The following CFAP299 variants were observed in gnomAD, a reference collection of about 807,000 sequenced individuals.
CFAP299 encodes the protein cilia- and flagella-associated protein 299.
In CFAP299, 21 loss-of-function variants were observed where a neutral mutation model predicts 27.0. That is an observed-to-expected ratio of 0.78 (90% confidence interval 0.55 to 1.12). The LOEUF (loss-of-function observed/expected upper bound fraction) is 1.12, where lower values mean the gene tolerates loss of function less well. Among genes scored for constraint, CFAP299 ranks in the 50% most tolerant of loss-of-function variants. The pLI is 0.00. For synonymous variants in CFAP299, 104 were observed against 98.1 expected (o/e 1.06, Z -0.36); for missense variants, 310 against 276.6 (o/e 1.12, Z -0.86).
intron 2 of CFAP299, among the ~76,000 whole-genome samples, chr4:80,485,980 A>G (rs1730800957): frequency 6.6e-6 from 1 of 151,928 alleles, no homozygotes; most frequent in Admixed American, 6.6e-5. Flanking sequence ...ATTTTTTTAG[A>G]GTTGTGGTTT....
chr4:80,538,783 T>C (rs1448514604), intron 2 of CFAP299, among the ~76,000 whole-genome samples: 1 of 152,206 alleles, frequency 6.6e-6, no homozygotes, highest in Admixed American at 6.5e-5. Flanking sequence ...GTTTGCATGA[T>C]GAACTTGCCT....
chr4:80,546,776 T>A (rs1409392000), intron 2 of CFAP299, among the ~76,000 whole-genome samples: 1 of 152,130 alleles, frequency 6.6e-6, no homozygotes, highest in Non-Finnish European at 1.5e-5. Flanking sequence ...AAAAGTTCCC[T>A]GAGACTCTCT....
At chr4:80,373,114 CTGCATAGACACAGTGGACCTAACCCT>C (rs1386433552) in intron 2 of CFAP299, among the ~76,000 whole-genome samples, 10 of 152,036 alleles carry the variant, frequency 6.6e-5, no homozygotes, top group Middle Eastern at 3.2e-3. Context: ...CCCTGAGTGG[CTGCATAGACACAGTGGACCTAACCCT>C]TGCATAGACA....
chr4:80,599,987 G>C (rs897574917), intron 3 of CFAP299, among the ~76,000 whole-genome samples: 2 of 152,030 alleles, frequency 1.3e-5, no homozygotes, highest in Non-Finnish European at 2.9e-5. Flanking sequence ...GGAAAAATTA[G>C]TAATTCATGC....
chr4:80,330,142 C>T, the CFAP299 span, among the ~76,000 whole-genome samples: 1 of 152,128 alleles, frequency 6.6e-6, no homozygotes, highest in Non-Finnish European at 1.5e-5. Context: ...AACTTGAAAT[C>T]AGTCTCTGGC....
chr4:80,527,303 TA>T (rs368820703), intron 2 of CFAP299, among the ~76,000 whole-genome samples: 1 of 151,852 alleles, frequency 6.6e-6, no homozygotes, highest in Non-Finnish European at 1.5e-5. Flanking sequence ...GGTTTTTTTT[TA>T]AATAATAAAT....
At chr4:80,344,772 A>T (rs1211693336) in intron 1 of CFAP299, among the ~76,000 whole-genome samples, 1 of 152,222 alleles carries the variant, frequency 6.6e-6, no homozygotes, top group Non-Finnish European at 1.5e-5. Context: ...ATCCAGCAGT[A>T]CATAAGAAAC....
intron 2 of CFAP299, among the ~76,000 whole-genome samples, chr4:80,524,931 A>T (rs1234531239): frequency 6.6e-6 from 1 of 152,068 alleles, no homozygotes; most frequent in Non-Finnish European, 1.5e-5. Flanking sequence ...AGTGGGGAAG[A>T]ATCTACTTTA....
chr4:80,871,806 C>G lies in CFAP299; in HGVS notation c.476+1671C>G, dbSNP rs145908748. 584 of 230,664 alleles carry G rather than the reference C, an allele frequency of 2.5e-3. 3 individuals carry two copies. The highest frequency in any genetic ancestry group is 0.013 in the African/African-American group (564 of 42,964). The allele number at this position is 230,664 out of a possible 1,614,324, so 14.3% of individuals were successfully genotyped here. On this transcript the variant is annotated intron_variant, in intron 4 of 5. Coordinates refer to ENST00000358105, the MANE Select transcript of CFAP299 (RefSeq NM_152770.3). Reference sequence around the variant, plus strand: ...TGGCATTATCATACCTAACAAAATACTTTCCTTAATGTCATCTAATACCTA... The same window carrying G: ...TGGCATTATCATACCTAACAAAATAGTTTCCTTAATGTCATCTAATACCTA...
intron 2 of CFAP299, among the ~76,000 whole-genome samples, chr4:80,416,985 C>T (rs1727047065): frequency 6.6e-6 from 1 of 152,218 alleles, no homozygotes; most frequent in South Asian, 2.1e-4. Context: ...CAAGGAATGG[C>T]TACTCCATAG....
chr4:80,662,991 A>G (rs1315250054), intron 3 of CFAP299, among the ~76,000 whole-genome samples: 2 of 152,024 alleles, frequency 1.3e-5, no homozygotes, highest in Non-Finnish European at 2.9e-5. Flanking sequence ...TTGTCTCTGA[A>G]GAATCCTTTT....
At chr4:80,689,633 A>C (rs1424816555) in intron 3 of CFAP299, among the ~76,000 whole-genome samples, 1 of 152,200 alleles carries the variant, frequency 6.6e-6, no homozygotes, top group Admixed American at 6.5e-5. Context: ...AACTGCATCA[A>C]CTAACGAGCA....
intron 3 of CFAP299, among the ~76,000 whole-genome samples, chr4:80,783,215 AAAGT>A (rs1190967708): frequency 1.3e-5 from 2 of 152,110 alleles, no homozygotes; most frequent in Non-Finnish European, 2.9e-5. Flanking sequence ...GTTGAAAAAT[AAAGT>A]AAGACAGAAG....
chr4:80,562,956 C>T (rs1735113656), intron 2 of CFAP299, among the ~76,000 whole-genome samples: 1 of 151,934 alleles, frequency 6.6e-6, no homozygotes, highest in African/African-American at 2.4e-5. Context: ...CAAAGAAGGT[C>T]ACTGTATAAT....
chr4:80,672,944 CA>C (rs56871831), intron 3 of CFAP299, among the ~76,000 whole-genome samples: 19,935 of 144,406 alleles, frequency 0.14, 3,247 homozygotes, highest in African/African-American at 0.4. Flanking sequence ...TTGATCTTTT[CA>C]AAAAAAAAAA....
intron 3 of CFAP299, among the ~76,000 whole-genome samples, chr4:80,764,051 C>T: frequency 6.6e-6 from 1 of 152,112 alleles, no homozygotes; most frequent in Non-Finnish European, 1.5e-5. Context: ...TGGATAAAGA[C>T]TTCATGACTA....
chr4:80,929,377 G>A (rs1736466724), intron 4 of CFAP299, among the ~76,000 whole-genome samples: 1 of 150,700 alleles, frequency 6.6e-6, no homozygotes, highest in Non-Finnish European at 1.5e-5. Context: ...AGTCTCTGTA[G>A]CACCACTATC....
At chr4:80,404,234 A>G (rs1460771089) in intron 2 of CFAP299, among the ~76,000 whole-genome samples, 2 of 152,010 alleles carry the variant, frequency 1.3e-5, no homozygotes, top group Admixed American at 1.3e-4. Context: ...ATATATATAT[A>G]TACACACACA....
intron 4 of CFAP299, among the ~76,000 whole-genome samples, chr4:80,941,792 G>A (rs1203427202): frequency 6.6e-6 from 1 of 152,182 alleles, no homozygotes; most frequent in Non-Finnish European, 1.5e-5. Context: ...GGCAAAGTGA[G>A]AACAGGCACT....
Sources: gnomAD v4.1 joint callset for allele counts (sites outside exome capture counted in the v4.1 genomes callset) on GRCh38, gnomAD v4.1.1 for gene constraint, MANE v1.5 for transcripts, NCBI Gene and HGNC (gene_info 2026-07-23, HGNC 2026-07-21) for gene names.